Variants in CHD2 observed in about 807,000 individuals in gnomAD.
The protein encoded by CHD2 is ATP-dependent chromatin remodeler CHD2.
In CHD2, 28 loss-of-function variants were observed where a neutral mutation model predicts 243.9. The ratio of observed to expected loss-of-function variants is 0.11; its 90% CI spans 0.09 to 0.16. The LOEUF (loss-of-function observed/expected upper bound fraction) is 0.16, where lower values mean the gene tolerates loss of function less well. Ranked by LOEUF, CHD2 falls within the 10% of genes least tolerant of loss-of-function variation. The pLI is 1.00. For synonymous variants in CHD2, 775 were observed against 779.0 expected, an observed-to-expected ratio of 0.99 and a Z score of 0.09; for missense variants, 1,386 against 2,209.8, an observed-to-expected ratio of 0.63 and a Z score of 7.47.
intron 16 of CHD2, among the ~76,000 whole-genome samples, chr15:92,958,755 C>T (rs11857669): frequency 0.37 from 55,542 of 152,082 alleles, 11,260 homozygotes; most frequent in East Asian, 0.8. Flanking sequence ...CACAACCATT[C>T]TGTTTTTCAT....
rs761949281 is a variant in CHD2 at position 93,024,583 on chromosome 15, T to A, written c.5365T>A (p.Ser1789Thr). The change falls in exon 39 of 39, where the codon TCA becomes ACA. Residue 1789 changes from serine (S) to threonine (T), a missense_variant. Coordinates refer to ENST00000394196, the MANE Select transcript of CHD2 (RefSeq NM_001271.4). Reference protein sequence around the residue: ...PLHPAVSDPRSPPSQKSPHDS... With the variant: ...PLHPAVSDPRTPPSQKSPHDS... Reference sequence around the variant, plus strand: ...GCACCCTGCAGTCTCAGATCCTCGCTCACCCCCTTCTCAGAAATCTCCTCA... The same window carrying A: ...GCACCCTGCAGTCTCAGATCCTCGCACACCCCCTTCTCAGAAATCTCCTCA... 1 of 1,614,218 alleles carries A rather than the reference T, an allele frequency of 6.2e-7. No homozygotes were observed. The highest frequency in any genetic ancestry group is 1.1e-5 in the South Asian group (1 of 91,084).
At position 92,928,960 on chromosome 15, in the gene CHD2, G is replaced by T; in HGVS notation, c.382-70G>T. The T allele has an allele frequency of 5.6e-6, 8 of 1,422,212 alleles. No homozygotes were observed. In the South Asian group the frequency reaches 8.5e-5, roughly 15 times the overall value. 88.1% of individuals were successfully genotyped at this position (1,422,212 alleles called of 1,614,324 possible). ...GTATATTGAGTAGACTGTTGATCCA[G>T]GAGATAGTGTTGTCCCGAAGAACTG... On this transcript the variant is annotated intron_variant, in intron 4 of 38. Coordinates refer to ENST00000394196, the MANE Select transcript of CHD2 (RefSeq NM_001271.4).
At chr15:93,020,483 CTT>C in intron 38 of CHD2, 1 of 622,272 alleles carries the variant, frequency 1.6e-6, no homozygotes, top group South Asian at 2.0e-5. Context: ...TTTCTGCCGT[CTT>C]TTGAGGAAAT....
chr15:92,951,698 A>G (rs1443226484), intron 13 of CHD2, among the ~76,000 whole-genome samples: 1 of 152,184 alleles, frequency 6.6e-6, no homozygotes, highest in Non-Finnish European at 1.5e-5. Context: ...TTCCTCCTGA[A>G]TAGTATTGAA....
intron 26 of CHD2, 40 bp downstream of exon 26, chr15:92,985,713 T>C (rs1377993208): frequency 1.3e-6 from 2 of 1,579,318 alleles, no homozygotes; most frequent in African/African-American, 2.7e-5. Context: ...TGTTTGAAAG[T>C]GCGTACTGTA....
chr15:92,919,012 C>T (rs933810014), intron 2 of CHD2, among the ~76,000 whole-genome samples: 10 of 151,972 alleles, frequency 6.6e-5, no homozygotes, highest in African/African-American at 2.4e-4. Flanking sequence ...GTGCATGCCA[C>T]CATACCTGGC....
chr15:92,997,595 C>T lies in CHD2; in HGVS notation c.3885+192C>T, dbSNP rs757897414. ...TGAAGATAAAGGGAAAAGACAGTAG[C>T]CAGGTGAAATTTTGGGGAAACTGTA... On this transcript the variant is annotated intron_variant, in intron 30 of 38. Coordinates refer to ENST00000394196, the MANE Select transcript of CHD2 (RefSeq NM_001271.4). The surrounding 1 kb of genome is among the most constrained non-coding windows in gnomAD (Gnocchi z 4.1). The T allele has an allele frequency of 1.1e-5, 5 of 456,380 alleles. No individual in the cohort carries two copies. The highest frequency in any genetic ancestry group is 1.8e-5 in the Non-Finnish European group (5 of 277,518). The allele number at this position is 456,380 out of a possible 1,614,324, so 28.3% of individuals were successfully genotyped here.
At chr15:92,918,493 A>T (rs1309456666) in intron 2 of CHD2, among the ~76,000 whole-genome samples, 11 of 152,172 alleles carry the variant, frequency 7.2e-5, no homozygotes, top group Admixed American at 3.9e-4. Context: ...TCATTCCTGA[A>T]AATCCAATGT....
chr15:93,016,648 G>A (rs893998398), intron 37 of CHD2, among the ~76,000 whole-genome samples: 10 of 152,154 alleles, frequency 6.6e-5, no homozygotes, highest in African/African-American at 2.4e-4. Flanking sequence ...TTAGCTAGGC[G>A]TAGTGGCGTA....
chr15:92,927,566 C>G (rs1446373136), intron 4 of CHD2, among the ~76,000 whole-genome samples: 1 of 152,100 alleles, frequency 6.6e-6, no homozygotes, highest in Non-Finnish European at 1.5e-5. Flanking sequence ...TTATACAGAA[C>G]TGACCTCAAA....
intron 5 of CHD2, among the ~76,000 whole-genome samples, chr15:92,929,847 G>T (rs1318957770): frequency 6.6e-6 from 1 of 151,726 alleles, no homozygotes; most frequent in Non-Finnish European, 1.5e-5. Context: ...ATGCTCTGTT[G>T]TAAAATATTA....
chr15:92,940,003 T>C (rs2053332344), intron 7 of CHD2, among the ~76,000 whole-genome samples: 3 of 152,254 alleles, frequency 2.0e-5, no homozygotes, highest in African/African-American at 7.2e-5. Context: ...CTTCATTTCA[T>C]AACATTTTTT....
chr15:92,962,011 A>G (rs549946860), intron 16 of CHD2, among the ~76,000 whole-genome samples: 3 of 146,812 alleles, frequency 2.0e-5, no homozygotes, highest in Non-Finnish European at 4.4e-5. Context: ...CCTCTTGAGT[A>G]GCTGGGATTA....
At chr15:92,933,404 A>C (rs1249918965) in intron 5 of CHD2, among the ~76,000 whole-genome samples, 1 of 152,198 alleles carries the variant, frequency 6.6e-6, no homozygotes, top group African/African-American at 2.4e-5. Context: ...CCTTGTTTGC[A>C]GTTCTCATCT....
At chr15:92,901,824 C>T (rs908653894) in intron 2 of CHD2, 2 of 255,506 alleles carry the variant, frequency 7.8e-6, no homozygotes, top group Non-Finnish European at 7.3e-6. Context: ...CTTAAAGGAC[C>T]CTTTGACTGA....
At chr15:92,988,756 A>AT (rs561222520) in intron 26 of CHD2, among the ~76,000 whole-genome samples, 353 of 148,682 alleles carry the variant, frequency 2.4e-3, no homozygotes, top group African/African-American at 6.1e-3. Context: ...CTCACCAGTG[A>AT]TTTTTTTTTT....
intron 5 of CHD2, among the ~76,000 whole-genome samples, chr15:92,930,123 T>G (rs2053138509): frequency 6.6e-6 from 1 of 152,204 alleles, no homozygotes. Flanking sequence ...TAGAAGGCTT[T>G]TGTTCTGCCC....
Position 92,944,404 on chromosome 15 carries a change from C to T in CHD2, c.1053-11C>T. 1 of 1,518,206 alleles carries T rather than the reference C, an allele frequency of 6.6e-7. No individual in the cohort carries two copies. Among genetic ancestry groups the T allele is most frequent in the Non-Finnish European group, 9.1e-7 (1 of 1,096,148 alleles). 94.0% of individuals were successfully genotyped at this position (1,518,206 alleles called of 1,614,324 possible). A position where few individuals can be genotyped will look rare whatever the true frequency, so the allele number is the denominator to read the frequency against. ...GTTTATGTGTACTTTTTCTGTCTGT[C>T]TGCCATTCAGGTTAGGGAAAGTTTC... On this transcript the variant is annotated splice_polypyrimidine_tract_variant and intron_variant, in intron 9 of 38. Coordinates refer to ENST00000394196, the MANE Select transcript of CHD2 (RefSeq NM_001271.4).
intron 34 of CHD2, among the ~76,000 whole-genome samples, chr15:93,005,755 TAA>T (rs1384332664): frequency 6.6e-6 from 1 of 152,218 alleles, no homozygotes; most frequent in Non-Finnish European, 1.5e-5. Flanking sequence ...TTGTTTTATA[TAA>T]AGGTCATTTA....
Sources: gnomAD v4.1 joint callset for allele counts (sites outside exome capture counted in the v4.1 genomes callset) on GRCh38, gnomAD v4.1.1 for gene constraint, Gnocchi (gnomAD v3.1) non-coding constraint, MANE v1.5 for transcripts, NCBI Gene and HGNC (gene_info 2026-07-23, HGNC 2026-07-21) for gene names.